The following ARHGAP12 variants were observed in gnomAD, a reference collection of about 807,000 sequenced individuals.
ARHGAP12 encodes the protein rho GTPase-activating protein 12.
In ARHGAP12, 64 loss-of-function variants were observed where a neutral mutation model predicts 108.6. The ratio of observed to expected loss-of-function variants is 0.59; its 90% CI spans 0.48 to 0.73. The LOEUF (loss-of-function observed/expected upper bound fraction) is 0.73. Among genes scored for constraint, ARHGAP12 ranks in the 30% least tolerant of loss-of-function variants. The probability of loss-of-function intolerance (pLI) is 0.00; values close to 1 mark genes in which losing one functional copy is unlikely to be tolerated. For synonymous variants in ARHGAP12, 312 were observed against 337.2 expected, an observed-to-expected ratio of 0.93 and a Z score of 0.82; for missense variants, 940 against 1,005.9, an observed-to-expected ratio of 0.93 and a Z score of 0.89.
intron 1 of ARHGAP12, among the ~76,000 whole-genome samples, 157 bp downstream of exon 1, chr10:31,928,526 A>C (rs1179671763): frequency 2.8e-5 from 4 of 142,796 alleles, no homozygotes; most frequent in African/African-American, 1.1e-4. Context: ...CTTTGCGCGC[A>C]CCTCCGCGGC....
In ARHGAP12 at chr10:31,817,435, C is replaced by T. The variant is rs187622177; in HGVS notation, c.1731+353G>A. ...TACAGCTTCTTTCATTTCATAAGCT[C>T]GCCTCAGACTTCTTCCACCAAATAG... is the stretch of plus-strand genomic sequence containing the variant. On this transcript the variant is annotated intron_variant, in intron 13 of 19. Transcript: ENST00000344936. Among the ~76,000 whole-genome samples the T allele has an allele frequency of 2.2e-3, 336 of 152,240 alleles. 2 individuals carry two copies. The highest frequency in any genetic ancestry group is 6.8e-3 in the Middle Eastern group (2 of 294).
Position 31,878,339 on chromosome 10 carries a change from A to C in ARHGAP12, c.685-16681T>G, listed in dbSNP as rs530883332. On this transcript the variant is annotated intron_variant, in intron 3 of 19. Coordinates refer to ENST00000344936, the MANE Select transcript of ARHGAP12 (RefSeq NM_018287.7). ...CCGTTTACACAGATTTTCAACTTTC[A>C]AACATCTTGGACTTCCATAATTTCA... is the stretch of plus-strand genomic sequence containing the variant. Among the ~76,000 whole-genome samples the C allele has an allele frequency of 3.9e-5, 6 of 152,346 alleles. No homozygotes were observed. In the East Asian group the frequency reaches 1.2e-3, roughly 29 times the overall value.
intron 4 of ARHGAP12, 105 bp from the exon 5 acceptor site, chr10:31,854,311 C>A: frequency 2.1e-6 from 2 of 944,556 alleles, no homozygotes; most frequent in Non-Finnish European, 3.0e-6. Flanking sequence ...ATGAAGATAT[C>A]TTAAATATAT....
chr10:31,928,362 C>T (rs1840151876), intron 1 of ARHGAP12, among the ~76,000 whole-genome samples: 1 of 151,232 alleles, frequency 6.6e-6, no homozygotes. Flanking sequence ...GCGCTGCCCT[C>T]ACACAGGAAG....
chr10:31,886,954 A>G (rs1477431772), intron 3 of ARHGAP12, among the ~76,000 whole-genome samples: 1 of 152,240 alleles, frequency 6.6e-6, no homozygotes, highest in Non-Finnish European at 1.5e-5. Flanking sequence ...TTGTGATAAT[A>G]AAAATGCAGA....
In ARHGAP12 at chr10:31,858,244, T is replaced by A. The variant is rs113751374; in HGVS notation, c.948+3151A>T. Among the ~76,000 whole-genome samples, 1,052 of 151,638 alleles carry A rather than the reference T, an allele frequency of 6.9e-3. 9 individuals are homozygous for A. Among genetic ancestry groups the A allele is most frequent in the African/African-American group, 0.024 (1,008 of 41,276 alleles). On this transcript the variant is annotated intron_variant, in intron 4 of 19. Transcript: ENST00000344936. Reference sequence around the variant, plus strand: ...TCATATTTATGACAGAAGAAGAAAATGTGAGAAAAGAAGGTGGTAAAAATC... The same window carrying A: ...TCATATTTATGACAGAAGAAGAAAAAGTGAGAAAAGAAGGTGGTAAAAATC...
intron 1 of ARHGAP12, among the ~76,000 whole-genome samples, chr10:31,927,168 G>T (rs1334554811): frequency 6.6e-6 from 1 of 152,090 alleles, no homozygotes; most frequent in Non-Finnish European, 1.5e-5. Context: ...CATGGGTGGG[G>T]GTCACGCTTT....
chr10:31,809,395 C>A, intron 16 of ARHGAP12, 88 bp from the exon 17 acceptor site: 1 of 1,239,052 alleles, frequency 8.1e-7, no homozygotes, highest in Non-Finnish European at 1.2e-6. Flanking sequence ...AGAATTCCCA[C>A]TCATTTGCAT....
At chr10:31,827,740 G>A (rs1172367007) in intron 10 of ARHGAP12, among the ~76,000 whole-genome samples, 1 of 150,770 alleles carries the variant, frequency 6.6e-6, no homozygotes, top group East Asian at 1.9e-4. Flanking sequence ...GCAGTGAGCC[G>A]AGATTGCACC....
intron 1 of ARHGAP12, among the ~76,000 whole-genome samples, chr10:31,914,443 T>C (rs1426147631): frequency 6.7e-6 from 1 of 148,894 alleles, no homozygotes; most frequent in Non-Finnish European, 1.5e-5. Context: ...AATAACTCAA[T>C]AGCAAAAAAA....
At chr10:31,885,313 C>T (rs557441808) in intron 3 of ARHGAP12, among the ~76,000 whole-genome samples, 2 of 152,234 alleles carry the variant, frequency 1.3e-5, no homozygotes, top group African/African-American at 2.4e-5. Flanking sequence ...AATAAAGTAT[C>T]TCTTTACCTT....
At chr10:31,832,187 C>G (rs933929155) in intron 9 of ARHGAP12, among the ~76,000 whole-genome samples, 1 of 152,086 alleles carries the variant, frequency 6.6e-6, no homozygotes, top group African/African-American at 2.4e-5. Flanking sequence ...TATTTTACAA[C>G]TATATAATCT....
chr10:31,895,568 C>G (rs976909996), intron 3 of ARHGAP12, among the ~76,000 whole-genome samples: 6 of 152,182 alleles, frequency 3.9e-5, no homozygotes, highest in African/African-American at 1.4e-4. Context: ...GTTAGAATGG[C>G]GATCATTAAA....
chr10:31,899,517 G>T (rs768785561), intron 3 of ARHGAP12, among the ~76,000 whole-genome samples: 3 of 152,140 alleles, frequency 2.0e-5, no homozygotes, highest in Non-Finnish European at 4.4e-5. Flanking sequence ...AGACAGCATG[G>T]TATTAGCAAA....
intron 3 of ARHGAP12, among the ~76,000 whole-genome samples, chr10:31,881,916 T>C (rs1171651165): frequency 8.0e-6 from 1 of 124,534 alleles, no homozygotes; most frequent in African/African-American, 4.0e-5. Context: ...TGTTTAGATG[T>C]TTTTTTTTTT....
At chr10:31,843,421 T>C in intron 7 of ARHGAP12, 40 bp downstream of exon 7, 1 of 1,587,048 alleles carries the variant, frequency 6.3e-7, no homozygotes, top group Non-Finnish European at 8.6e-7. Flanking sequence ...CACTGTACAA[T>C]ATAATGCAAA....
chr10:31,877,687 G>C (rs1323266999), intron 3 of ARHGAP12, among the ~76,000 whole-genome samples: 1 of 152,192 alleles, frequency 6.6e-6, no homozygotes, highest in African/African-American at 2.4e-5. Flanking sequence ...GAGTGTTTTA[G>C]CAATACCATC....
intron 1 of ARHGAP12, among the ~76,000 whole-genome samples, chr10:31,925,825 C>G (rs1840012006): frequency 6.6e-6 from 1 of 152,194 alleles, no homozygotes; most frequent in African/African-American, 2.4e-5. Flanking sequence ...GAGAAATGCT[C>G]TAAGTGTAAA....
At chr10:31,837,298 T>G (rs187385826) in intron 9 of ARHGAP12, among the ~76,000 whole-genome samples, 1 of 152,356 alleles carries the variant, frequency 6.6e-6, no homozygotes, top group East Asian at 1.9e-4. Flanking sequence ...TGGCAATTCT[T>G]GCCAAAACCA....
Sources: allele counts gnomAD v4.1 joint callset (sites outside exome capture counted in the v4.1 genomes callset), GRCh38; gene constraint gnomAD v4.1.1; transcripts MANE v1.5; gene names NCBI Gene and HGNC (gene_info 2026-07-23, HGNC 2026-07-21).